The following ARHGAP44 variants were observed in gnomAD, a reference collection of about 807,000 sequenced individuals.
ARHGAP44 encodes the protein rho GTPase-activating protein 44.
ARHGAP44 carries 43 observed loss-of-function variants against 106.8 expected under a neutral mutation model. That is an observed-to-expected ratio of 0.40 (90% CI 0.32 to 0.52). ARHGAP44 has a LOEUF of 0.52. Ranked by LOEUF, ARHGAP44 falls within the 20% of genes least tolerant of loss-of-function variation. The pLI, the probability that ARHGAP44 is intolerant of heterozygous loss-of-function variation, is 0.48. For synonymous variants in ARHGAP44, 439 were observed against 410.3 expected (o/e 1.07, Z -0.85); for missense variants, 866 against 1,050.5 (o/e 0.82, Z 2.43).
intron 7 of ARHGAP44, among the ~76,000 whole-genome samples, chr17:12,935,304 T>G (rs1344603611): frequency 6.6e-6 from 1 of 152,206 alleles, no homozygotes; most frequent in Non-Finnish European, 1.5e-5. Flanking sequence ...CCGGGTGCGG[T>G]GGCTCACGCC....
intron 20 of ARHGAP44, chr17:12,987,282 C>A: frequency 1.3e-6 from 1 of 786,370 alleles, no homozygotes; most frequent in Non-Finnish European, 1.9e-6. Context: ...TCCAGCCTTC[C>A]CCGGCCTCAG....
At chr17:12,875,464 C>T (rs1192275850) in intron 1 of ARHGAP44, among the ~76,000 whole-genome samples, 6 of 151,734 alleles carry the variant, frequency 4.0e-5, no homozygotes, top group African/African-American at 1.5e-4. Flanking sequence ...TGTGGTGGTA[C>T]GTGCCTGTAG....
chr17:12,939,084 A>C (rs1239159622), intron 7 of ARHGAP44, among the ~76,000 whole-genome samples: 5 of 152,076 alleles, frequency 3.3e-5, no homozygotes, highest in African/African-American at 4.8e-5. Context: ...CTGGTGATGG[A>C]TATCTCCTGA....
chr17:12,904,338 C>T (rs2037483584), intron 3 of ARHGAP44, among the ~76,000 whole-genome samples: 1 of 152,164 alleles, frequency 6.6e-6, no homozygotes, highest in African/African-American at 2.4e-5. Context: ...AATCTCTTGA[C>T]CTCATGATCT....
At chr17:12,831,246 C>T (rs1173989687) in intron 1 of ARHGAP44, among the ~76,000 whole-genome samples, 2 of 152,182 alleles carry the variant, frequency 1.3e-5, no homozygotes, top group African/African-American at 2.4e-5. Context: ...AGTGAAGAGT[C>T]CAGCAGTGAG....
intron 1 of ARHGAP44, among the ~76,000 whole-genome samples, chr17:12,799,041 C>G (rs1038088962): frequency 6.6e-6 from 1 of 151,952 alleles, no homozygotes; most frequent in Non-Finnish European, 1.5e-5. Context: ...TCTGTTTTTC[C>G]CTTTGACAAG....
chr17:12,990,069 G>A lies in ARHGAP44; in HGVS notation c.2355G>A (p.Glu785=), dbSNP rs2040085275. 2.5e-6 allele frequency: 4 copies of A among 1,612,458 alleles called. No individual in the cohort carries two copies. The highest frequency in any genetic ancestry group is 1.7e-5 in the Admixed American group (1 of 59,990). ...TTGATATTCCCTCGATCCACATAGA[G>A]CTCGGGTCGACGCTCCGCCTGAGTC... is the stretch of plus-strand genomic sequence containing the variant. ...VHFDIPSIHI[E]LGSTLRLSPL... The change falls in exon 21 of 21, where the codon GAG becomes GAA. Residue 785 remains glutamate (E), a synonymous_variant. Transcript: ENST00000379672.
At chr17:12,981,884 G>A (rs186874439) in intron 19 of ARHGAP44, among the ~76,000 whole-genome samples, 11 of 152,196 alleles carry the variant, frequency 7.2e-5, no homozygotes, top group Admixed American at 5.2e-4. Context: ...GGTGGTGGGC[G>A]TCTGTAATCC....
rs372963107 is a variant in ARHGAP44 at position 12,924,080 on chromosome 17, A to G, written c.464+4249A>G. Among the ~76,000 whole-genome samples, 37 of 152,360 alleles carry G rather than the reference A, an allele frequency of 2.4e-4. No individual in the cohort carries two copies. The East Asian group carries it at 5.0e-3, about 21-fold the overall frequency. Reference sequence around the variant, plus strand: ...GCAGCACTGCAACAGTGAATTCCACATAGAGACCCTCCGCCTTTCAAGACA... The same window carrying G: ...GCAGCACTGCAACAGTGAATTCCACGTAGAGACCCTCCGCCTTTCAAGACA... On this transcript the variant is annotated intron_variant, in intron 6 of 20. Coordinates refer to ENST00000379672, the MANE Select transcript of ARHGAP44 (RefSeq NM_014859.6).
chr17:12,925,861 A>C (rs2038215083), intron 6 of ARHGAP44, among the ~76,000 whole-genome samples: 1 of 152,164 alleles, frequency 6.6e-6, no homozygotes, highest in Non-Finnish European at 1.5e-5. Flanking sequence ...CAAACCTTGA[A>C]ATTCATAATT....
chr17:12,897,684 G>C (rs532612746), intron 3 of ARHGAP44, among the ~76,000 whole-genome samples: 1 of 149,982 alleles, frequency 6.7e-6, no homozygotes, highest in Admixed American at 6.6e-5. Flanking sequence ...GGGGGTGCTG[G>C]AGCCAAGCCT....
chr17:12,799,199 C>G (rs571225180), intron 1 of ARHGAP44, among the ~76,000 whole-genome samples: 1 of 152,094 alleles, frequency 6.6e-6, no homozygotes, highest in African/African-American at 2.4e-5. Context: ...CCTGATTTCC[C>G]TGAGTTTACT....
chr17:12,822,958 C>G (rs901785890), intron 1 of ARHGAP44, among the ~76,000 whole-genome samples: 4 of 152,146 alleles, frequency 2.6e-5, no homozygotes, highest in African/African-American at 9.7e-5. Flanking sequence ...ATTTTGCTTT[C>G]TTTCTATCTT....
intron 1 of ARHGAP44, among the ~76,000 whole-genome samples, chr17:12,832,405 A>G (rs2035117010): frequency 6.6e-6 from 1 of 152,028 alleles, no homozygotes; most frequent in Non-Finnish European, 1.5e-5. Context: ...TACCTTAAAC[A>G]CCAATCTTAG....
intron 1 of ARHGAP44, among the ~76,000 whole-genome samples, chr17:12,879,659 G>GTATA (rs2036661591): frequency 6.7e-6 from 1 of 148,630 alleles, no homozygotes; most frequent in Non-Finnish European, 1.5e-5. Context: ...TTTTATGTAT[G>GTATA]TATAAATATA....
At chr17:12,970,819 A>G (rs745312425) in intron 16 of ARHGAP44, among the ~76,000 whole-genome samples, 1 of 152,202 alleles carries the variant, frequency 6.6e-6, no homozygotes, top group Admixed American at 6.5e-5. Context: ...CCGATCTGTG[A>G]ATAGATTCCC....
intron 1 of ARHGAP44, among the ~76,000 whole-genome samples, chr17:12,883,185 T>TTA (rs1567666753): frequency 6.6e-6 from 1 of 151,276 alleles, no homozygotes. Context: ...GTTTTTTTTT[T>TTA]AAAAACTTGC....
rs1048622330 is a variant in ARHGAP44, at chr17:12,949,486, T to C, written c.974-163T>C. Among the ~76,000 whole-genome samples the C allele has an allele frequency of 6.6e-6, 1 of 152,200 alleles. No individual in the cohort carries two copies. Among genetic ancestry groups the C allele is most frequent in the African/African-American group, 2.4e-5 (1 of 41,448 alleles). On this transcript the variant is annotated intron_variant, in intron 11 of 20. Transcript: ENST00000379672. This position sits in a 1 kb window ranked among gnomAD's most constrained non-coding sequence, Gnocchi z 4.1. The stretch of plus-strand genomic sequence containing the variant: ...GGGAAGAAAGAGGGGCCAGGTCCCC[T>C]GTCAGAGCCTCATACCCATTTCCAT...
chr17:12,814,847 C>A (rs965499112), intron 1 of ARHGAP44, among the ~76,000 whole-genome samples: 59 of 151,980 alleles, frequency 3.9e-4, no homozygotes, highest in African/African-American at 1.3e-3. Context: ...CTGAAAAAAA[C>A]CCCAAAAAAC....
Sources: allele counts gnomAD v4.1 joint callset (sites outside exome capture counted in the v4.1 genomes callset), GRCh38; gene constraint gnomAD v4.1.1; non-coding constraint Gnocchi (gnomAD v3.1); transcripts MANE v1.5; gene names NCBI Gene and HGNC (gene_info 2026-07-23, HGNC 2026-07-21).